Variants in C4orf36 observed in about 807,000 individuals in gnomAD.
C4orf36 encodes chromosome 4 open reading frame 36, also known as uncharacterized protein C4orf36.
C4orf36 carries 11 observed loss-of-function variants against 12.2 expected under a neutral mutation model. The ratio of observed to expected loss-of-function variants is 0.90; its 90% CI spans 0.57 to 1.49. C4orf36 has a LOEUF of 1.49. Ranked by LOEUF, C4orf36 falls within the 40% of genes most tolerant of loss-of-function variation. C4orf36 has a pLI of 0.00. For synonymous variants in C4orf36, 54 were observed against 51.3 expected (o/e 1.05, Z -0.22); for missense variants, 137 against 133.9 (o/e 1.02, Z -0.11).
chr4:86,916,133 T>G, the C4orf36 span, among the ~76,000 whole-genome samples: 2 of 152,328 alleles, frequency 1.3e-5, no homozygotes. Context: ...GACAGAAGTA[T>G]GTACTTCCAT....
At chr4:86,920,387 T>G in the C4orf36 span, among the ~76,000 whole-genome samples, 1 of 152,182 alleles carries the variant, frequency 6.6e-6, no homozygotes, top group Non-Finnish European at 1.5e-5. Context: ...CTGCTCCAGA[T>G]CTTTTTAGCC....
At chr4:86,882,370 A>G (rs933728046) in intron 4 of C4orf36, among the ~76,000 whole-genome samples, 5 of 152,214 alleles carry the variant, frequency 3.3e-5, no homozygotes, top group Non-Finnish European at 7.3e-5. Context: ...AGAGACCAGA[A>G]CAGATGCCTC....
At position 86,876,346 on chromosome 4, in the gene C4orf36, C is replaced by T; in HGVS notation, c.*100G>A. 1 of 1,550,098 alleles carries T rather than the reference C, an allele frequency of 6.5e-7. No homozygotes were observed. The highest frequency in any genetic ancestry group is 8.7e-7 in the Non-Finnish European group (1 of 1,150,326). ...GGGCCGGGCCAGGATGGCTGCAGCG[C>T]AGCGACGGCCGGGGCCGGGAGCGGG... On this transcript the variant is annotated 3_prime_UTR_variant, in exon 5 of 5. Transcript: ENST00000295898.
At chr4:86,912,321 G>A in the C4orf36 span, among the ~76,000 whole-genome samples, 2 of 152,144 alleles carry the variant, frequency 1.3e-5, no homozygotes, top group South Asian at 2.1e-4. Flanking sequence ...GTGCCCAGCC[G>A]ATTGTCTCTT....
Position 86,892,287 on chromosome 4 carries a change from C to A in C4orf36, c.-178G>T, listed in dbSNP as rs567288279. 1.5e-5 allele frequency: 15 copies of A among 985,768 alleles called. No individual in the cohort carries two copies. Among genetic ancestry groups the A allele is most frequent in the African/African-American group, 1.7e-5 (1 of 57,386 alleles). The allele number at this position is 985,768 out of a possible 1,614,324, so 61.1% of individuals were successfully genotyped here. ...GGCGCCGGCGGCCTGGTTACCCGGG[C>A]TCCAGGGGCTCGGAGGGTCGCGGCC... On this transcript the variant is annotated 5_prime_UTR_variant, in exon 1 of 5. Coordinates refer to ENST00000295898, the MANE Select transcript of C4orf36 (RefSeq NM_144645.4).
the C4orf36 span, among the ~76,000 whole-genome samples, chr4:86,920,972 C>T: frequency 6.6e-6 from 1 of 151,920 alleles, no homozygotes; most frequent in African/African-American, 2.4e-5. Context: ...TCCAGACCAG[C>T]CTGACCAACA....
chr4:86,930,511 G>A, the C4orf36 span, among the ~76,000 whole-genome samples: 1 of 152,226 alleles, frequency 6.6e-6, no homozygotes, highest in South Asian at 2.1e-4. Context: ...TTTTCAAGGA[G>A]ATTAAATAAA....
At chr4:86,932,466 G>C in the C4orf36 span, 1 of 151,972 alleles carries the variant, frequency 6.6e-6, no homozygotes, top group Non-Finnish European at 1.5e-5. Context: ...AAAATGCTTG[G>C]ATCTTGCACA....
the C4orf36 span, among the ~76,000 whole-genome samples, chr4:86,918,027 T>C: frequency 6.6e-6 from 1 of 152,260 alleles, no homozygotes; most frequent in African/African-American, 2.4e-5. Flanking sequence ...TTTCTGTGTC[T>C]GGTGAGATGT....
chr4:86,906,136 C>G, the C4orf36 span, among the ~76,000 whole-genome samples: 8 of 152,142 alleles, frequency 5.3e-5, no homozygotes, highest in Non-Finnish European at 1.0e-4. Context: ...GGGCCACTGA[C>G]CTTCAGAACT....
chr4:86,924,033 A>G, the C4orf36 span, among the ~76,000 whole-genome samples: 12 of 151,966 alleles, frequency 7.9e-5, no homozygotes, highest in Admixed American at 7.9e-4. Flanking sequence ...ACCTTCTGAT[A>G]TTGCTCCCTC....
intron 2 of C4orf36, among the ~76,000 whole-genome samples, chr4:86,890,589 A>T (rs1747369025): frequency 6.6e-6 from 1 of 152,204 alleles, no homozygotes; most frequent in African/African-American, 2.4e-5. Context: ...AAAACTAAAC[A>T]GAATGCAACA....
At chr4:86,924,302 C>T in the C4orf36 span, among the ~76,000 whole-genome samples, 2 of 152,126 alleles carry the variant, frequency 1.3e-5, no homozygotes, top group African/African-American at 2.4e-5. Context: ...TGGGTTCAAG[C>T]GATTCTCCTC....
the C4orf36 span, chr4:86,935,736 G>C: frequency 6.6e-6 from 1 of 152,358 alleles, no homozygotes. Flanking sequence ...GTCTCGCTGA[G>C]AGCAGGAGGG....
At chr4:86,893,878 T>TATG (rs2149425524), upstream of C4orf36, among the ~76,000 whole-genome samples, 1 of 138,588 alleles carries the variant, frequency 7.2e-6, no homozygotes, top group African/African-American at 3.2e-5. Flanking sequence ...ATTTATTTAT[T>TATG]TATTTATTTA....
chr4:86,917,463 G>GA, the C4orf36 span, among the ~76,000 whole-genome samples: 1 of 86,642 alleles, frequency 1.2e-5, no homozygotes, highest in South Asian at 4.5e-4. Context: ...AAGAAAGAAA[G>GA]AAAAGAAAGA....
chr4:86,925,055 AACTC>A, the C4orf36 span: 1 of 152,164 alleles, frequency 6.6e-6, no homozygotes, highest in Non-Finnish European at 1.5e-5. Context: ...TTCTCTCAAG[AACTC>A]ACTCACTGTC....
At position 86,888,109 on chromosome 4, in the gene C4orf36, T is replaced by A; in HGVS notation, c.220+12A>T. On this transcript the variant is annotated intron_variant, in intron 3 of 4. Transcript: ENST00000295898. ...ATTTATAACTTATTAAAGCAGAACTTAAGGAACTTACATTCTGCAGAAGGG... is the reference window on the plus strand; with the variant it reads ...ATTTATAACTTATTAAAGCAGAACTAAAGGAACTTACATTCTGCAGAAGGG... 6.2e-7 allele frequency: 1 copy of A among 1,606,464 alleles called. No homozygotes were observed. The highest frequency in any genetic ancestry group is 1.7e-4 in the Middle Eastern group (1 of 6,012).
At chr4:86,930,113 C>T in the C4orf36 span, among the ~76,000 whole-genome samples, 1 of 152,200 alleles carries the variant, frequency 6.6e-6, no homozygotes, top group Admixed American at 6.5e-5. Flanking sequence ...AATCCTGCTC[C>T]ACCGGGGCAC....
Sources: gnomAD v4.1 joint callset for allele counts (sites outside exome capture counted in the v4.1 genomes callset) on GRCh38, gnomAD v4.1.1 for gene constraint, MANE v1.5 for transcripts, NCBI Gene and HGNC (gene_info 2026-07-23, HGNC 2026-07-21) for gene names.